Variants in PDZRN4 observed in about 807,000 individuals in gnomAD.
The protein encoded by PDZRN4 is PDZ domain containing ring finger 4.
PDZRN4 carries 70 observed loss-of-function variants against 99.0 expected under a neutral mutation model. The observed-to-expected ratio is 0.71, with a 90% CI of 0.58 to 0.86. PDZRN4 has a LOEUF of 0.86. Ranked by LOEUF, PDZRN4 falls within the 40% of genes least tolerant of loss-of-function variation. The pLI is 0.00. For missense variants in PDZRN4, 1,474 were observed against 1,331.2 expected (o/e 1.11, Z -1.67); for synonymous variants, 551 against 501.6 (o/e 1.10, Z -1.32).
intron 3 of PDZRN4, among the ~76,000 whole-genome samples, chr12:41,499,586 C>T (rs1439216162): frequency 6.6e-6 from 1 of 151,372 alleles, no homozygotes; most frequent in Non-Finnish European, 1.5e-5. Context: ...AGGAGGGATA[C>T]AAAAAAAGCA....
intron 3 of PDZRN4, among the ~76,000 whole-genome samples, chr12:41,303,853 G>A (rs1453502441): frequency 3.3e-5 from 5 of 152,286 alleles, no homozygotes; most frequent in Non-Finnish European, 5.9e-5. Context: ...GTCACTCTGT[G>A]TGACTGCAGA....
At chr12:41,211,390 A>T (rs561057486) in intron 3 of PDZRN4, among the ~76,000 whole-genome samples, 4 of 152,058 alleles carry the variant, frequency 2.6e-5, no homozygotes, top group Non-Finnish European at 4.4e-5. Flanking sequence ...GGAGGTTCTT[A>T]TCTCTTTTAT....
chr12:41,410,457 A>G (rs1254465758), intron 3 of PDZRN4, among the ~76,000 whole-genome samples: 1 of 152,222 alleles, frequency 6.6e-6, no homozygotes, highest in Non-Finnish European at 1.5e-5. Context: ...TATCATAGGC[A>G]ATGCTATAAT....
At chr12:41,469,941 A>G (rs958425244) in intron 3 of PDZRN4, among the ~76,000 whole-genome samples, 2 of 152,184 alleles carry the variant, frequency 1.3e-5, no homozygotes, top group African/African-American at 4.8e-5. Context: ...AAAATAAAAA[A>G]TAAAAAATAA....
chr12:41,390,562 CA>C lies in PDZRN4; in HGVS notation c.844-115879del, dbSNP rs766893966. ...AGTCTGGGGTTTGAGAACTCCTAAG[CA>C]AAAAAAAAAAAAAAGTAAAAGCTTT... On this transcript the variant is annotated intron_variant, in intron 3 of 9. Transcript: ENST00000402685. 3.7e-3 allele frequency among the ~76,000 whole-genome samples: 378 copies of C among 101,326 alleles called. 8 individuals carry two copies. The highest frequency in any genetic ancestry group is 6.6e-3 in the Middle Eastern group (1 of 152). The allele number at this position is 101,326 out of a possible 152,430, so 66.5% of individuals were successfully genotyped here. A position where few individuals can be genotyped will look rare whatever the true frequency, so the allele number is the denominator to read the frequency against.
rs1280050364 is a variant in PDZRN4, at chr12:41,552,636, T to G, written c.1204-20T>G. 1 of 1,576,476 alleles carries G rather than the reference T, an allele frequency of 6.3e-7. No homozygotes were observed. Among genetic ancestry groups the G allele is most frequent in the Admixed American group, 1.7e-5 (1 of 59,898 alleles). On this transcript the variant is annotated intron_variant, in intron 5 of 9. Coordinates refer to ENST00000402685, the MANE Select transcript of PDZRN4 (RefSeq NM_001164595.2). ...TTTTCTCTCTGACATAAATGTCATC[T>G]GTGTGTGTTGTTCTTTCAGGAGGTC...
chr12:41,223,561 A>G (rs1207104729), intron 3 of PDZRN4, among the ~76,000 whole-genome samples: 2 of 152,222 alleles, frequency 1.3e-5, no homozygotes, highest in African/African-American at 4.8e-5. Context: ...CCAAATACAA[A>G]ATTCCAAATC....
intron 5 of PDZRN4, among the ~76,000 whole-genome samples, chr12:41,538,453 G>C (rs921738461): frequency 6.6e-6 from 1 of 152,262 alleles, no homozygotes; most frequent in East Asian, 1.9e-4. Context: ...TTATGCACTA[G>C]TGAACAGATG....
intron 3 of PDZRN4, among the ~76,000 whole-genome samples, chr12:41,436,562 A>T (rs141698972): frequency 5.0e-4 from 76 of 152,306 alleles, no homozygotes; most frequent in African/African-American, 1.8e-3. Context: ...CCCACCTGCT[A>T]TCCTGTCCGG....
intron 3 of PDZRN4, among the ~76,000 whole-genome samples, chr12:41,459,309 T>C (rs1356624416): frequency 1.3e-5 from 2 of 152,232 alleles, no homozygotes; most frequent in Non-Finnish European, 2.9e-5. Flanking sequence ...ACCTGGTATA[T>C]GATCCAAGGT....
chr12:41,227,670 T>TAAC (rs113135443), intron 3 of PDZRN4, among the ~76,000 whole-genome samples: 2,405 of 151,752 alleles, frequency 0.016, 61 homozygotes, highest in African/African-American at 0.056. Context: ...CTCTCAACAA[T>TAAC]AACAACAACA....
intron 1 of PDZRN4, 65 bp from the exon 2 acceptor site, chr12:41,191,393 A>G: frequency 1.2e-6 from 1 of 804,268 alleles, no homozygotes; most frequent in East Asian, 2.5e-5. Context: ...ATAAAAACTT[A>G]TTGTAGGATT....
At chr12:41,477,812 T>C (rs1485654377) in intron 3 of PDZRN4, 1 of 1,035,624 alleles carries the variant, frequency 9.7e-7, no homozygotes, top group Non-Finnish European at 1.5e-6. Flanking sequence ...ATGCATGTGG[T>C]AATGATTTTG....
At chr12:41,342,928 T>C (rs1442975059) in intron 3 of PDZRN4, among the ~76,000 whole-genome samples, 2 of 151,984 alleles carry the variant, frequency 1.3e-5, no homozygotes, top group Non-Finnish European at 2.9e-5. Context: ...TGTGGCACTA[T>C]CTACAATAGT....
intron 3 of PDZRN4, among the ~76,000 whole-genome samples, chr12:41,290,910 A>C (rs1951453026): frequency 6.6e-6 from 1 of 152,124 alleles, no homozygotes; most frequent in East Asian, 1.9e-4. Flanking sequence ...TTCCTTAAAC[A>C]TTCTTTGAAT....
At chr12:41,245,344 AC>A (rs1951127366) in intron 3 of PDZRN4, among the ~76,000 whole-genome samples, 1 of 152,168 alleles carries the variant, frequency 6.6e-6, no homozygotes, top group African/African-American at 2.4e-5. Context: ...ATCAACAAAC[AC>A]ATATCGATTA....
intron 3 of PDZRN4, among the ~76,000 whole-genome samples, chr12:41,351,630 G>A (rs556928584): frequency 1.3e-5 from 2 of 152,080 alleles, no homozygotes; most frequent in South Asian, 4.2e-4. Context: ...CAAATCTCAT[G>A]AGAACTCTGT....
chr12:41,298,682 T>C (rs1444011935), intron 3 of PDZRN4, among the ~76,000 whole-genome samples: 1 of 152,142 alleles, frequency 6.6e-6, no homozygotes, highest in Non-Finnish European at 1.5e-5. Flanking sequence ...TTTAAATTAG[T>C]TCTGATACCA....
intron 3 of PDZRN4, among the ~76,000 whole-genome samples, chr12:41,360,939 AGTGTGT>A (rs10522706): frequency 0.32 from 47,660 of 150,212 alleles, 7,589 homozygotes; most frequent in East Asian, 0.44. Flanking sequence ...GAATAAGTAA[AGTGTGT>A]GTGTGTGTGT....
Sources: gnomAD v4.1 joint callset for allele counts (sites outside exome capture counted in the v4.1 genomes callset) on GRCh38, gnomAD v4.1.1 for gene constraint, MANE v1.5 for transcripts, NCBI Gene and HGNC (gene_info 2026-07-23, HGNC 2026-07-21) for gene names.